The following ATP6V1B2 variants were observed in gnomAD, a reference collection of about 807,000 sequenced individuals.
ATP6V1B2 encodes the protein ATPase H+ transporting V1 subunit B2.
ATP6V1B2 carries 23 observed loss-of-function variants against 66.7 expected under a neutral mutation model. The ratio of observed to expected loss-of-function variants is 0.34; its 90% confidence interval spans 0.25 to 0.49. The LOEUF is 0.49. Among genes scored for constraint, ATP6V1B2 ranks in the 20% least tolerant of loss-of-function variants. The pLI is 0.99. For synonymous variants in ATP6V1B2, 278 were observed against 236.7 expected (o/e 1.17, Z -1.60); for missense variants, 478 against 650.8 (o/e 0.73, Z 2.89).
At chr8:20,199,866 C>T (rs953405935) in intron 1 of ATP6V1B2, among the ~76,000 whole-genome samples, 1 of 152,094 alleles carries the variant, frequency 6.6e-6, no homozygotes, top group Non-Finnish European at 1.5e-5. Context: ...CTACCTAGGC[C>T]TCCCAAAGTG....
At position 20,211,737 on chromosome 8, in the gene ATP6V1B2, T is replaced by C. The variant is rs2072795199; in HGVS notation, c.689T>C (p.Val230Ala). The change falls in exon 7 of 14, where the codon GTA becomes GCA. Residue 230 changes from valine (V) to alanine (A), a missense_variant. Val to Ala is a moderately conservative substitution (Grantham distance 64). Around this residue, in one of 2 missense-constraint regions of ATP6V1B2, gnomAD observed 326 missense variants for 545.6 expected, o/e 0.60. Transcript: ENST00000276390. Reference protein sequence around the residue: ...VDYSEENFAIVFAAMGVNMET... With the variant: ...VDYSEENFAIAFAAMGVNMET... ...TACAGTGAGGAAAATTTTGCAATTG[T>C]ATTTGCTGCTATGGGTGTAAGTAGA... 1.2e-6 allele frequency: 2 copies of C among 1,607,424 alleles called. No individual in the cohort carries two copies. Among genetic ancestry groups the C allele is most frequent in the East Asian group, 4.5e-5 (2 of 44,806 alleles).
chr8:20,207,919 A>T (rs1022104615), intron 2 of ATP6V1B2, among the ~76,000 whole-genome samples: 8 of 152,248 alleles, frequency 5.3e-5, no homozygotes, highest in African/African-American at 1.9e-4. Context: ...ATGAAGTCTG[A>T]CTTATCAGTA....
chr8:20,211,474 C>A lies in ATP6V1B2; in HGVS notation c.603+158C>A, dbSNP rs751374599. The A allele has an allele frequency of 1.1e-4, 138 of 1,282,964 alleles. 1 individual carries two copies. The highest frequency in any genetic ancestry group is 9.8e-4 in the Middle Eastern group (4 of 4,072). The allele number at this position is 1,282,964 out of a possible 1,614,324, so 79.5% of individuals were successfully genotyped here. A position where few individuals can be genotyped will look rare whatever the true frequency, so the allele number is the denominator to read the frequency against. On this transcript the variant is annotated intron_variant, in intron 6 of 13. Transcript: ENST00000276390. ...CTCACATCTTTATTTCTGCACATGT[C>A]TTCTTGCTTACCCTTGCATATCTTT...
intron 10 of ATP6V1B2, 96 bp from the exon 11 acceptor site, chr8:20,216,317 G>C (rs2072854178): frequency 9.9e-7 from 1 of 1,005,642 alleles, no homozygotes; most frequent in Admixed American, 1.9e-5. Flanking sequence ...AGGTAGTACA[G>C]AGGGACTTTT....
intron 1 of ATP6V1B2, among the ~76,000 whole-genome samples, chr8:20,199,303 G>T (rs978619703): frequency 1.3e-5 from 2 of 152,172 alleles, no homozygotes; most frequent in African/African-American, 4.8e-5. Context: ...CCACTGCCTA[G>T]CACAGTGCCT....
At chr8:20,210,785 A>G in intron 5 of ATP6V1B2, 139 bp downstream of exon 5, 4 of 415,442 alleles carry the variant, frequency 9.6e-6, no homozygotes, top group Non-Finnish European at 1.6e-5. Context: ...AAATTATTTT[A>G]TTATTTAATT....
At chr8:20,200,012 G>A (rs1291027023) in intron 1 of ATP6V1B2, among the ~76,000 whole-genome samples, 1 of 151,632 alleles carries the variant, frequency 6.6e-6, no homozygotes, top group East Asian at 1.9e-4. Context: ...GTGTGTGTGT[G>A]TGTGTGTTGA....
intron 11 of ATP6V1B2, 112 bp from the exon 12 acceptor site, chr8:20,217,108 C>A: frequency 1.2e-6 from 1 of 860,980 alleles, no homozygotes; most frequent in Non-Finnish European, 1.9e-6. Flanking sequence ...ACAAATGCAG[C>A]GGTTGTCTTT....
At chr8:20,200,114 C>T (rs2072670333) in intron 1 of ATP6V1B2, among the ~76,000 whole-genome samples, 1 of 152,004 alleles carries the variant, frequency 6.6e-6, no homozygotes. Context: ...GCGATCCTCC[C>T]ACCTCAGCCT....
chr8:20,210,197 TTTA>T (rs1242653872), intron 3 of ATP6V1B2, 146 bp from the exon 4 acceptor site: 1 of 628,088 alleles, frequency 1.6e-6, no homozygotes, highest in Non-Finnish European at 2.6e-6. Context: ...GACAATTTGA[TTTA>T]TTATCATATT....
At chr8:20,206,235 A>G (rs549803198) in intron 2 of ATP6V1B2, among the ~76,000 whole-genome samples, 16 of 152,178 alleles carry the variant, frequency 1.1e-4, no homozygotes, top group Non-Finnish European at 2.1e-4. Context: ...TCCTATAACA[A>G]TTCAGTTCTT....
intron 2 of ATP6V1B2, among the ~76,000 whole-genome samples, chr8:20,205,843 A>G (rs10091503): frequency 0.38 from 57,327 of 152,082 alleles, 11,322 homozygotes; most frequent in East Asian, 0.66. Flanking sequence ...ACAGATCCCA[A>G]AATTCTTAAT....
At chr8:20,213,954 C>A (rs1417164799) in intron 9 of ATP6V1B2, 1 of 152,104 alleles carries the variant, frequency 6.6e-6, no homozygotes, top group African/African-American at 2.4e-5. Context: ...TTTACAAATG[C>A]AGATTTTAGA....
intron 1 of ATP6V1B2, among the ~76,000 whole-genome samples, chr8:20,203,004 A>G (rs2128884714): frequency 6.6e-6 from 1 of 152,348 alleles, no homozygotes; most frequent in South Asian, 2.1e-4. Flanking sequence ...AGAACAATGA[A>G]GAAATCTTTT....
rs530883324 is a variant in ATP6V1B2, at chr8:20,220,613, A to G, written c.*211A>G. The G allele has an allele frequency of 6.6e-6, 4 of 609,294 alleles. No individual in the cohort carries two copies. The highest frequency in any genetic ancestry group is 6.2e-5 in the South Asian group (2 of 32,100). The allele number at this position is 609,294 out of a possible 1,614,324, so 37.7% of individuals were successfully genotyped here. On this transcript the variant is annotated 3_prime_UTR_variant, in exon 14 of 14. Transcript: ENST00000276390. ...TCCCCCTACCTGGGTCCTCAGTGCTATGTTTAAAGTGCTGCAGGGATGGAG... is the reference window on the plus strand; with the variant it reads ...TCCCCCTACCTGGGTCCTCAGTGCTGTGTTTAAAGTGCTGCAGGGATGGAG...
At position 20,209,466 on chromosome 8, in the gene ATP6V1B2, T is replaced by C; in HGVS notation, c.226T>C (p.Leu76=). 1.2e-6 allele frequency: 2 copies of C among 1,614,026 alleles called. No homozygotes were observed. Among genetic ancestry groups the C allele is most frequent in the Non-Finnish European group, 8.5e-7 (1 of 1,179,972 alleles). Residue 76 remains leucine (L), a synonymous_variant, in exon 3 of 14, where the codon TTA becomes CTA. Transcript: ENST00000276390. ...PRYAEIVHLT[L]PDGTKRSGQV... ...GTATGCTGAAATTGTCCATTTGACC[T>C]TACCGGATGGCACAAAGAGAAGTGG...
chr8:20,215,241 AT>A (rs992543813), intron 10 of ATP6V1B2: 1 of 238,916 alleles, frequency 4.2e-6, no homozygotes, highest in Non-Finnish European at 8.1e-6. Context: ...AATGTAAAGA[AT>A]TTTTGAAAAG....
At chr8:20,197,848 C>T (rs371550904) in intron 1 of ATP6V1B2, among the ~76,000 whole-genome samples, 4 of 152,142 alleles carry the variant, frequency 2.6e-5, no homozygotes, top group African/African-American at 4.8e-5. Flanking sequence ...ACTTGCTTCC[C>T]GTCCCCGAGG....
chr8:20,206,238 C>T (rs990340132), intron 2 of ATP6V1B2, among the ~76,000 whole-genome samples: 1 of 152,170 alleles, frequency 6.6e-6, no homozygotes, highest in African/African-American at 2.4e-5. Flanking sequence ...TATAACAATT[C>T]AGTTCTTTGG....
Sources: allele counts gnomAD v4.1 joint callset (sites outside exome capture counted in the v4.1 genomes callset), GRCh38; gene constraint gnomAD v4.1.1; regional missense constraint gnomAD v4.1.1; transcripts MANE v1.5; gene names NCBI Gene and HGNC (gene_info 2026-07-23, HGNC 2026-07-21).